TMTC2: variants seen among roughly 807,000 people sequenced by gnomAD.
The protein encoded by TMTC2 is transmembrane O-mannosyltransferase targeting cadherins 2, also known as protein O-mannosyl-transferase TMTC2.
Under a neutral mutation model 82.4 loss-of-function variants are expected in TMTC2, and 43 were observed. That is an observed-to-expected ratio of 0.52 (90% CI 0.41 to 0.67). TMTC2 has a LOEUF of 0.67. Among genes scored for constraint, TMTC2 ranks in the 30% least tolerant of loss-of-function variants. The probability of loss-of-function intolerance (pLI) is 0.00; values close to 1 mark genes in which losing one functional copy is unlikely to be tolerated. For missense variants in TMTC2, 919 were observed against 1,012.4 expected, an observed-to-expected ratio of 0.91 and a Z score of 1.25; for synonymous variants, 408 against 381.9, an observed-to-expected ratio of 1.07 and a Z score of -0.80.
Position 83,131,184 on chromosome 12 carries a change from A to G in TMTC2, c.2332-1026A>G, listed in dbSNP as rs558348405. Among the ~76,000 whole-genome samples, 4 of 152,364 alleles carry G rather than the reference A, an allele frequency of 2.6e-5. No homozygotes were observed. In the South Asian group the frequency reaches 6.2e-4, roughly 24 times the overall value. On this transcript the variant is annotated intron_variant, in intron 11 of 11. Coordinates refer to ENST00000321196, the MANE Select transcript of TMTC2 (RefSeq NM_152588.3). ...AGCATAAACACTTTAATTTTATCTGATATTTGAAATATGCATTTGTGTAAC... is the reference window on the plus strand; with the variant it reads ...AGCATAAACACTTTAATTTTATCTGGTATTTGAAATATGCATTTGTGTAAC...
chr12:82,867,686 C>A lies in TMTC2; in HGVS notation c.654+10106C>A, dbSNP rs1002165532. On this transcript the variant is annotated intron_variant, in intron 2 of 11. Coordinates refer to ENST00000321196, the MANE Select transcript of TMTC2 (RefSeq NM_152588.3). ...TACCAAGGTTTCACATGAATGATTTCAGTACATTTCCATAACTTTTATAAA... is the reference window on the plus strand; with the variant it reads ...TACCAAGGTTTCACATGAATGATTTAAGTACATTTCCATAACTTTTATAAA... 7.9e-5 allele frequency among the ~76,000 whole-genome samples: 12 copies of A among 152,202 alleles called. No individual in the cohort carries two copies. In the South Asian group the frequency reaches 2.1e-3, roughly 26 times the overall value.
At chr12:82,827,701 CTCTT>C (rs1319266946) in intron 1 of TMTC2, among the ~76,000 whole-genome samples, 1 of 129,492 alleles carries the variant, frequency 7.7e-6, no homozygotes, top group Non-Finnish European at 1.6e-5. Context: ...CTTTCTTTCT[CTCTT>C]TCTTTCTTTC....
intron 3 of TMTC2, among the ~76,000 whole-genome samples, chr12:82,903,599 G>C (rs1412797388): frequency 1.3e-5 from 2 of 152,102 alleles, no homozygotes; most frequent in African/African-American, 4.8e-5. Flanking sequence ...ATTTTTAGTA[G>C]AGACGGGGTT....
intron 1 of TMTC2, among the ~76,000 whole-genome samples, chr12:82,828,261 T>C (rs554234790): frequency 6.8e-6 from 1 of 147,800 alleles, no homozygotes; most frequent in South Asian, 2.2e-4. Context: ...TCACCCAGGC[T>C]GGAGTACAGT....
At chr12:82,918,462 A>G (rs1206246659) in intron 3 of TMTC2, among the ~76,000 whole-genome samples, 5 of 152,144 alleles carry the variant, frequency 3.3e-5, no homozygotes, top group Non-Finnish European at 7.3e-5. Flanking sequence ...TCTTACATAG[A>G]ACTCAAGATT....
At chr12:82,930,410 A>G in intron 3 of TMTC2, 21 bp from the exon 4 acceptor site, 1 of 1,489,284 alleles carries the variant, frequency 6.7e-7, no homozygotes, top group Non-Finnish European at 9.3e-7. Context: ...CAGTCTGAAA[A>G]TTTCTTTTTC....
intron 4 of TMTC2, among the ~76,000 whole-genome samples, chr12:82,938,308 T>C (rs961969988): frequency 2.0e-5 from 3 of 152,076 alleles, no homozygotes; most frequent in Non-Finnish European, 4.4e-5. Context: ...TGGTCAGAGA[T>C]TGCAGAATAC....
intron 1 of TMTC2, among the ~76,000 whole-genome samples, chr12:82,732,256 G>T (rs1874855969): frequency 6.6e-6 from 1 of 151,870 alleles, no homozygotes; most frequent in Admixed American, 6.6e-5. Context: ...ACAGATTCTT[G>T]TCAGAGTAAA....
intron 2 of TMTC2, among the ~76,000 whole-genome samples, chr12:82,893,120 C>G (rs1162008407): frequency 1.3e-5 from 2 of 151,642 alleles, no homozygotes; most frequent in African/African-American, 4.8e-5. Context: ...GCCTGTAATC[C>G]CAGCACTTTG....
intron 1 of TMTC2, among the ~76,000 whole-genome samples, chr12:82,850,634 T>TA (rs1251741399): frequency 2.0e-5 from 3 of 152,160 alleles, no homozygotes; most frequent in African/African-American, 7.2e-5. Flanking sequence ...ATGAGAAGAG[T>TA]AATGTGCTAA....
chr12:82,797,550 G>T (rs137931060), intron 1 of TMTC2, among the ~76,000 whole-genome samples: 2 of 152,170 alleles, frequency 1.3e-5, no homozygotes, highest in African/African-American at 4.8e-5. Flanking sequence ...GTTGGTTGCC[G>T]TGTATAAAAA....
chr12:82,925,561 G>A (rs1313783806), intron 3 of TMTC2, among the ~76,000 whole-genome samples: 1 of 152,070 alleles, frequency 6.6e-6, no homozygotes, highest in Admixed American at 6.6e-5. Context: ...AACCAAGCTG[G>A]TCAGTGCCGT....
chr12:82,816,247 T>C lies in TMTC2; in HGVS notation c.84-40763T>C, dbSNP rs146358617. ...CTCTAAATGTGTAGACCTCAGGACATTGGGAAAACCTAAATCATTTCAAAA... is the reference window on the plus strand; with the variant it reads ...CTCTAAATGTGTAGACCTCAGGACACTGGGAAAACCTAAATCATTTCAAAA... On this transcript the variant is annotated intron_variant, in intron 1 of 11. Coordinates refer to ENST00000321196, the MANE Select transcript of TMTC2 (RefSeq NM_152588.3). Among the ~76,000 whole-genome samples, 899 of 151,374 alleles carry C rather than the reference T, an allele frequency of 5.9e-3. 10 individuals carry two copies. Among genetic ancestry groups the C allele is most frequent in the African/African-American group, 0.021 (857 of 41,262 alleles).
At chr12:82,688,909 A>G (rs965676053) in intron 1 of TMTC2, among the ~76,000 whole-genome samples, 12 of 152,228 alleles carry the variant, frequency 7.9e-5, no homozygotes, top group Non-Finnish European at 1.6e-4. Flanking sequence ...TGCTAAAAGC[A>G]TCTTCACATC....
chr12:82,937,766 A>ATGTGTG (rs1178560992), intron 4 of TMTC2, among the ~76,000 whole-genome samples: 1 of 20,724 alleles, frequency 4.8e-5, no homozygotes, highest in African/African-American at 1.5e-4. Context: ...ATATATATAT[A>ATGTGTG]TATATATATA....
At chr12:83,024,620 G>A (rs976925339) in intron 8 of TMTC2, among the ~76,000 whole-genome samples, 2 of 152,116 alleles carry the variant, frequency 1.3e-5, no homozygotes, top group Non-Finnish European at 2.9e-5. Flanking sequence ...TAAAGAGTAG[G>A]GCCACTGAAA....
At chr12:82,997,172 CT>C (rs1879658600) in intron 8 of TMTC2, among the ~76,000 whole-genome samples, 8 of 63,448 alleles carry the variant, frequency 1.3e-4, no homozygotes, top group Admixed American at 6.4e-4. Flanking sequence ...CTCTCTCTCT[CT>C]CTCCCACCCC....
intron 11 of TMTC2, among the ~76,000 whole-genome samples, chr12:83,131,222 A>G (rs1215476518): frequency 6.6e-6 from 1 of 152,248 alleles, no homozygotes; most frequent in South Asian, 2.1e-4. Context: ...CCAAAATATT[A>G]TCTGCTTTCT....
chr12:82,875,797 C>T (rs888174962), intron 2 of TMTC2, among the ~76,000 whole-genome samples: 2 of 149,742 alleles, frequency 1.3e-5, no homozygotes, highest in Non-Finnish European at 3.0e-5. Context: ...TTTTTTTAAT[C>T]CTCTTTTTTC....
Sources: allele counts gnomAD v4.1 joint callset (sites outside exome capture counted in the v4.1 genomes callset), GRCh38; gene constraint gnomAD v4.1.1; transcripts MANE v1.5; gene names NCBI Gene and HGNC (gene_info 2026-07-23, HGNC 2026-07-21).